The following RNF130 variants were observed in gnomAD, a reference collection of about 807,000 sequenced individuals.
RNF130 encodes the protein E3 ubiquitin-protein ligase RNF130.
Under a neutral mutation model 44.6 loss-of-function variants are expected in RNF130, and 21 were observed. The observed-to-expected ratio is 0.47, with a 90% CI of 0.33 to 0.68. The LOEUF (loss-of-function observed/expected upper bound fraction) is 0.68. Ranked by LOEUF, RNF130 falls within the 30% of genes least tolerant of loss-of-function variation. The pLI is 0.02. For synonymous variants in RNF130, 214 were observed against 210.4 expected, an observed-to-expected ratio of 1.02 and a Z score of -0.15; for missense variants, 479 against 560.6, an observed-to-expected ratio of 0.85 and a Z score of 1.47.
chr5:179,949,913 T>C lies in RNF130; in HGVS notation c.1150+16893A>G, dbSNP rs894760167. The stretch of plus-strand genomic sequence containing the variant: ...ATACTCACTAGCCTCACGTGGAAAA[T>C]GGTATAATCTTGCTAAAACTTCTGT... On this transcript the variant is annotated intron_variant, in intron 7 of 7. Transcript: ENST00000522208. 2.6e-5 allele frequency among the ~76,000 whole-genome samples: 4 copies of C among 152,026 alleles called. No homozygotes were observed. In the East Asian group the frequency reaches 5.8e-4, roughly 22 times the overall value.
At position 179,930,204 on chromosome 5, in the gene RNF130, T is replaced by C. The variant is rs12108997; in HGVS notation, c.1151-9778A>G. On this transcript the variant is annotated intron_variant, in intron 7 of 7. Coordinates refer to the RNF130 transcript ENST00000522208. Reference sequence around the variant, plus strand: ...TCCCGAGTAGCTGGGATTACAGGCATCTGCCACCACACCCGGCTAATTTTT... The same window carrying C: ...TCCCGAGTAGCTGGGATTACAGGCACCTGCCACCACACCCGGCTAATTTTT... 8.0e-3 allele frequency among the ~76,000 whole-genome samples: 1,220 copies of C among 152,082 alleles called. 12 individuals are homozygous for C. The highest frequency in any genetic ancestry group is 0.028 in the African/African-American group (1,161 of 41,500).
At chr5:180,007,182 CAT>C (rs1360227962) in intron 3 of RNF130, among the ~76,000 whole-genome samples, 2 of 152,118 alleles carry the variant, frequency 1.3e-5, no homozygotes, top group Admixed American at 1.3e-4. Context: ...AGGAGGATCA[CAT>C]GAGGTAAGGA....
At chr5:180,012,402 G>C (rs1170830397) in intron 3 of RNF130, among the ~76,000 whole-genome samples, 1 of 152,168 alleles carries the variant, frequency 6.6e-6, no homozygotes, top group African/African-American at 2.4e-5. Flanking sequence ...TGTGTATTCT[G>C]TCCACAGCAC....
At chr5:180,046,101 C>T (rs962672627) in intron 1 of RNF130, among the ~76,000 whole-genome samples, 2 of 152,194 alleles carry the variant, frequency 1.3e-5, no homozygotes, top group East Asian at 1.9e-4. Context: ...TGAGGCCCCA[C>T]GAGAATCTGT....
intron 7 of RNF130, among the ~76,000 whole-genome samples, chr5:179,923,406 C>T (rs1285643832): frequency 6.6e-6 from 1 of 152,174 alleles, no homozygotes; most frequent in Non-Finnish European, 1.5e-5. Flanking sequence ...ATTTGTCTGT[C>T]TTTATGCTGT....
At chr5:179,958,397 A>C (rs1470170340) in intron 8 of RNF130, among the ~76,000 whole-genome samples, 1 of 152,234 alleles carries the variant, frequency 6.6e-6, no homozygotes, top group Non-Finnish European at 1.5e-5. Flanking sequence ...TACAGTAGGA[A>C]GATGGTTTTT....
At chr5:180,000,665 C>T (rs987196820) in intron 3 of RNF130, among the ~76,000 whole-genome samples, 3 of 152,078 alleles carry the variant, frequency 2.0e-5, no homozygotes, top group African/African-American at 7.2e-5. Context: ...TACATATGAT[C>T]AAGTTTGCTG....
At chr5:179,948,099 T>A (rs1324931041) in intron 7 of RNF130, among the ~76,000 whole-genome samples, 2 of 152,186 alleles carry the variant, frequency 1.3e-5, no homozygotes, top group Admixed American at 1.3e-4. Flanking sequence ...TCATTCTGAC[T>A]TTGCCCCTTA....
chr5:179,998,539 C>A (rs138347588), intron 3 of RNF130, among the ~76,000 whole-genome samples: 2 of 152,196 alleles, frequency 1.3e-5, no homozygotes, highest in Non-Finnish European at 2.9e-5. Flanking sequence ...CTCATGAGAT[C>A]CTTTCTGCCT....
At chr5:180,000,110 T>C (rs951357178) in intron 3 of RNF130, among the ~76,000 whole-genome samples, 1 of 152,228 alleles carries the variant, frequency 6.6e-6, no homozygotes, top group Non-Finnish European at 1.5e-5. Context: ...GATGTATAAC[T>C]TTCTCAATTT....
intron 3 of RNF130, among the ~76,000 whole-genome samples, chr5:179,989,480 A>T (rs1763029054): frequency 6.6e-6 from 1 of 152,186 alleles, no homozygotes; most frequent in Non-Finnish European, 1.5e-5. Context: ...CTCCTGCAGA[A>T]TTGATCCCTT....
chr5:180,059,556 T>C (rs1027326101), intron 1 of RNF130, among the ~76,000 whole-genome samples: 1 of 152,198 alleles, frequency 6.6e-6, no homozygotes, highest in African/African-American at 2.4e-5. Context: ...ATTTTTCTGA[T>C]CCAGATGAAT....
chr5:179,978,159 G>C, intron 5 of RNF130, 44 bp downstream of exon 5: 1 of 1,501,492 alleles, frequency 6.7e-7, no homozygotes, highest in South Asian at 1.1e-5. Context: ...GGCATACAAA[G>C]CACATTAATA....
chr5:180,013,510 T>TA (rs764164998), intron 2 of RNF130, among the ~76,000 whole-genome samples, 199 bp from the exon 3 acceptor site: 1 of 152,186 alleles, frequency 6.6e-6, no homozygotes, highest in South Asian at 2.1e-4. Context: ...GTGTGGTACT[T>TA]AAGACTTAAA....
intron 7 of RNF130, among the ~76,000 whole-genome samples, chr5:179,944,591 G>A (rs1043512040): frequency 1.4e-4 from 22 of 151,840 alleles, no homozygotes; most frequent in African/African-American, 5.1e-4. Context: ...CAGCCTCCTT[G>A]CAAGCCACCA....
chr5:180,056,746 G>A (rs991059286), intron 1 of RNF130, among the ~76,000 whole-genome samples: 1 of 152,218 alleles, frequency 6.6e-6, no homozygotes, highest in Middle Eastern at 3.4e-3. Context: ...CTCATGACTG[G>A]ACTGCATTGT....
At chr5:179,991,670 A>G (rs989894940) in intron 3 of RNF130, among the ~76,000 whole-genome samples, 1 of 152,168 alleles carries the variant, frequency 6.6e-6, no homozygotes, top group African/African-American at 2.4e-5. Context: ...GGTTTTGTGG[A>G]AGACAATTTT....
At chr5:179,941,323 C>G (rs1272919698) in intron 7 of RNF130, among the ~76,000 whole-genome samples, 1 of 152,236 alleles carries the variant, frequency 6.6e-6, no homozygotes, top group Non-Finnish European at 1.5e-5. Flanking sequence ...AGTGACGTAT[C>G]ACTTTTAGAA....
exon 8 of RNF130, chr5:179,912,512 G>A (rs1222272690): frequency 6.6e-6 from 1 of 152,230 alleles, no homozygotes; most frequent in Non-Finnish European, 1.5e-5. Context: ...AGGCTGTCTG[G>A]AGAACGCCTG....
Sources: gnomAD v4.1 joint callset for allele counts (sites outside exome capture counted in the v4.1 genomes callset) on GRCh38, gnomAD v4.1.1 for gene constraint, MANE v1.5 for transcripts, NCBI Gene and HGNC (gene_info 2026-07-23, HGNC 2026-07-21) for gene names.